Variants in ABAT observed in about 807,000 individuals in gnomAD.
The protein encoded by ABAT is 4-aminobutyrate aminotransferase, mitochondrial.
A neutral mutation model predicts 64.6 loss-of-function variants in ABAT; 45 were observed. The observed-to-expected ratio is 0.70, with a 90% CI of 0.55 to 0.89. ABAT has a LOEUF of 0.89. Ranked by LOEUF, ABAT falls within the 40% of genes least tolerant of loss-of-function variation. The probability of loss-of-function intolerance (pLI) is 0.00; values close to 1 mark genes in which losing one functional copy is unlikely to be tolerated. For synonymous variants in ABAT, 297 were observed against 250.5 expected (o/e 1.19, Z -1.75); for missense variants, 633 against 658.4 (o/e 0.96, Z 0.42).
chr16:8,676,287 G>A (rs1209854522), intron 1 of ABAT, among the ~76,000 whole-genome samples: 2 of 152,146 alleles, frequency 1.3e-5, no homozygotes, highest in Non-Finnish European at 2.9e-5. Context: ...TAAACACACA[G>A]AGGCACAAAA....
rs1390691698 is a variant in ABAT at position 8,776,253 on chromosome 16, C to T, written c.1123-91C>T. ...TGCCCACTAGATTAGTTTCTCTCCT[C>T]TTCAAGAGAGGAGGCGGGGCGCCTG... is the stretch of plus-strand genomic sequence containing the variant. On this transcript the variant is annotated intron_variant, in intron 13 of 15. Transcript: ENST00000268251. This position sits in a 1 kb window ranked among gnomAD's most constrained non-coding sequence, Gnocchi z 4.4. The T allele has an allele frequency of 1.3e-6, 2 of 1,581,878 alleles. No individual in the cohort carries two copies. Among genetic ancestry groups the T allele is most frequent in the Non-Finnish European group, 1.7e-6 (2 of 1,156,006 alleles).
intron 1 of ABAT, among the ~76,000 whole-genome samples, chr16:8,708,949 C>T (rs2058010491): frequency 6.6e-6 from 1 of 152,144 alleles, no homozygotes; most frequent in African/African-American, 2.4e-5. Context: ...GTCAGTCCCA[C>T]CTGAGCTACA....
At chr16:8,743,162 G>T (rs376077119) in intron 2 of ABAT, among the ~76,000 whole-genome samples, 1 of 151,132 alleles carries the variant, frequency 6.6e-6, no homozygotes, top group Non-Finnish European at 1.5e-5. Flanking sequence ...GTATTTTAAC[G>T]GTACTTTATG....
chr16:8,732,535 G>C (rs1356319410), intron 1 of ABAT, among the ~76,000 whole-genome samples: 2 of 151,640 alleles, frequency 1.3e-5, no homozygotes, highest in South Asian at 4.2e-4. Context: ...CACGGGGTTG[G>C]GGGTAAGGTC....
intron 1 of ABAT, among the ~76,000 whole-genome samples, chr16:8,725,871 T>C (rs1469772426): frequency 1.3e-5 from 2 of 152,106 alleles, no homozygotes; most frequent in Non-Finnish European, 2.9e-5. Flanking sequence ...AATCCCTGCC[T>C]TCTTACTCCT....
chr16:8,737,650 C>T (rs766842708), intron 2 of ABAT, among the ~76,000 whole-genome samples: 14 of 151,498 alleles, frequency 9.2e-5, no homozygotes, highest in Admixed American at 2.0e-4. Flanking sequence ...TGGCCAGGCG[C>T]GGTGGCTCAC....
rs2143008398 is a variant in ABAT at position 8,781,876 on chromosome 16, GCAAA to G, written c.*449_*452del. On this transcript the variant is annotated 3_prime_UTR_variant, in exon 16 of 16. Coordinates refer to ENST00000268251, the MANE Select transcript of ABAT (RefSeq NM_020686.6). The surrounding 1 kb of genome is among the most constrained non-coding windows in gnomAD (Gnocchi z 4.5). ...GTTGGCTCCCCCTCGCCCTATGCAA[GCAAA>G]CACACTCTCACCTCCTCTCCCAGCC... 3.1e-6 allele frequency: 1 copy of G among 326,380 alleles called. No individual in the cohort carries two copies. Among genetic ancestry groups the G allele is most frequent in the East Asian group, 7.8e-5 (1 of 12,762 alleles). 20.2% of individuals were successfully genotyped at this position (326,380 alleles called of 1,614,324 possible).
At chr16:8,736,040 A>G (rs1596441223) in intron 2 of ABAT, 1 of 526,206 alleles carries the variant, frequency 1.9e-6, no homozygotes, top group Admixed American at 3.2e-5. Context: ...ATGGCTGGGG[A>G]GGCCTCACAA....
chr16:8,732,789 T>G (rs533424852), intron 1 of ABAT, among the ~76,000 whole-genome samples: 15 of 147,268 alleles, frequency 1.0e-4, no homozygotes, highest in African/African-American at 3.8e-4. Context: ...CACTTCCCAG[T>G]AGGGGCGGCC....
At chr16:8,726,529 G>C (rs897886868) in intron 1 of ABAT, among the ~76,000 whole-genome samples, 1 of 152,164 alleles carries the variant, frequency 6.6e-6, no homozygotes, top group Admixed American at 6.5e-5. Context: ...ACAGGTGTGA[G>C]CCACTGCGCT....
intron 1 of ABAT, among the ~76,000 whole-genome samples, chr16:8,697,716 A>G (rs1596403720): frequency 6.6e-6 from 1 of 151,420 alleles, no homozygotes; most frequent in East Asian, 1.9e-4. Context: ...GCTCACTGCA[A>G]CCTCCACCTC....
In ABAT at chr16:8,781,154, G is replaced by A; in HGVS notation, c.1382-155G>A. 5 of 1,097,026 alleles carry A rather than the reference G, an allele frequency of 4.6e-6. No homozygotes were observed. Among genetic ancestry groups the A allele is most frequent in the South Asian group, 2.5e-5 (2 of 80,730 alleles). 68.0% of individuals were successfully genotyped at this position (1,097,026 alleles called of 1,614,324 possible). A position where few individuals can be genotyped will look rare whatever the true frequency, so the allele number is the denominator to read the frequency against. On this transcript the variant is annotated intron_variant, in intron 15 of 15. Coordinates refer to ENST00000268251, the MANE Select transcript of ABAT (RefSeq NM_020686.6). The surrounding 1 kb of genome is among the most constrained non-coding windows in gnomAD (Gnocchi z 4.5). ...GGAAATGAAGACTGGATGGGTGGGT[G>A]GTAGGAAGGAAGCCCGGGCTTCCAT... is the stretch of plus-strand genomic sequence containing the variant.
Position 8,764,951 on chromosome 16 carries a change from T to TA in ABAT, c.540+125dup. 3.2e-6 allele frequency: 3 copies of TA among 934,844 alleles called. No individual in the cohort carries two copies. The highest frequency in any genetic ancestry group is 3.2e-5 in the African/African-American group (2 of 61,600). 57.9% of individuals were successfully genotyped at this position (934,844 alleles called of 1,614,324 possible). ...GAGTATTAGACATCAGTACCAGGGT[T>TA]AAAATACAGGGAGGGCCACTGCTGG... On this transcript the variant is annotated intron_variant, in intron 8 of 15. Transcript: ENST00000268251. The surrounding 1 kb of genome is among the most constrained non-coding windows in gnomAD (Gnocchi z 4.2).
chr16:8,753,268 TG>T (rs1209494362), intron 5 of ABAT, among the ~76,000 whole-genome samples: 4 of 152,066 alleles, frequency 2.6e-5, no homozygotes, highest in South Asian at 2.1e-4. Context: ...TACTTTTTTT[TG>T]TATTTTTAGT....
At chr16:8,778,071 C>T (rs1225894515) in intron 14 of ABAT, among the ~76,000 whole-genome samples, 1 of 152,176 alleles carries the variant, frequency 6.6e-6, no homozygotes, top group Non-Finnish European at 1.5e-5. Flanking sequence ...GACTTGCTCC[C>T]CCAACTCAGC....
chr16:8,754,703 TTTCTTTCTTTCTTTCTTTC>T (rs2059599592), intron 5 of ABAT, among the ~76,000 whole-genome samples: 3 of 135,558 alleles, frequency 2.2e-5, no homozygotes, highest in African/African-American at 5.3e-5. Context: ...TCTTTCTTTC[TTTCTTTCTTTCTTTCTTTC>T]TTTTTTTTTT....
chr16:8,705,355 G>A (rs973788608), intron 1 of ABAT: 1 of 152,038 alleles, frequency 6.6e-6, no homozygotes, highest in African/African-American at 2.4e-5. Context: ...GGGGGAAACT[G>A]CCCCCATGAT....
intron 1 of ABAT, among the ~76,000 whole-genome samples, chr16:8,726,083 C>G (rs947664096): frequency 6.6e-6 from 1 of 152,088 alleles, no homozygotes; most frequent in Non-Finnish European, 1.5e-5. Flanking sequence ...CAACCCGCCA[C>G]TACCCTTCCC....
At chr16:8,726,960 C>CAT (rs1421899567) in intron 1 of ABAT, among the ~76,000 whole-genome samples, 8 of 152,198 alleles carry the variant, frequency 5.3e-5, no homozygotes, top group African/African-American at 1.4e-4. Context: ...AGCACCTTTT[C>CAT]ATGTGCTTGC....
Sources: allele counts gnomAD v4.1 joint callset (sites outside exome capture counted in the v4.1 genomes callset), GRCh38; gene constraint gnomAD v4.1.1; non-coding constraint Gnocchi (gnomAD v3.1); transcripts MANE v1.5; gene names NCBI Gene and HGNC (gene_info 2026-07-23, HGNC 2026-07-21).